Variants in ECE1 observed in about 807,000 individuals in gnomAD.
ECE1 encodes the protein endothelin-converting enzyme 1.
ECE1 carries 35 observed loss-of-function variants against 98.6 expected under a neutral mutation model. The observed-to-expected ratio is 0.35, with a 90% CI of 0.27 to 0.47. The LOEUF is 0.47. ECE1 is among the 20% of genes least tolerant of loss of function. ECE1 has a pLI of 1.00. For missense variants in ECE1, 814 were observed against 1,025.3 expected, an observed-to-expected ratio of 0.79 and a Z score of 2.81; for synonymous variants, 394 against 407.1, an observed-to-expected ratio of 0.97 and a Z score of 0.39.
chr1:21,263,359 T>TTA (rs1297860740), intron 4 of ECE1, among the ~76,000 whole-genome samples: 2 of 113,716 alleles, frequency 1.8e-5, no homozygotes, highest in African/African-American at 6.7e-5. Context: ...TTTTTTATAT[T>TTA]TATTTTTTTT....
At position 21,272,978 on chromosome 1, in the gene ECE1, G is replaced by A; in HGVS notation, c.281-67C>T. ...GGAAGAAGCAGGGAGGGCAGAGAAG[G>A]GGGCTTGGGGCCCAGGGGCCACATG... On this transcript the variant is annotated intron_variant, in intron 3 of 18. Coordinates refer to ENST00000374893, the MANE Select transcript of ECE1 (RefSeq NM_001397.3). 1.9e-6 allele frequency: 3 copies of A among 1,576,886 alleles called. No individual in the cohort carries two copies. In the South Asian group the frequency reaches 3.3e-5, roughly 18 times the overall value.
chr1:21,256,610 G>C (rs921574531), intron 7 of ECE1: 1 of 152,328 alleles, frequency 6.6e-6, no homozygotes, highest in Non-Finnish European at 1.5e-5. Flanking sequence ...GAATGATCTC[G>C]GGGCCGTGTC....
chr1:21,313,881 A>T (rs751018045), intron 1 of ECE1, among the ~76,000 whole-genome samples: 13 of 151,890 alleles, frequency 8.6e-5, no homozygotes, highest in Non-Finnish European at 1.8e-4. Context: ...TGGCACAGGA[A>T]TGTCCCGGCT....
intron 1 of ECE1, among the ~76,000 whole-genome samples, chr1:21,320,892 T>C (rs1638949164): frequency 6.6e-6 from 1 of 152,206 alleles, no homozygotes; most frequent in Non-Finnish European, 1.5e-5. Flanking sequence ...AGGTGGTGCC[T>C]TGAGGAGCTG....
chr1:21,289,411 G>C (rs1338929112), intron 2 of ECE1, among the ~76,000 whole-genome samples: 1 of 152,152 alleles, frequency 6.6e-6, no homozygotes, highest in Non-Finnish European at 1.5e-5. Flanking sequence ...CCTGTTACAA[G>C]GCAGGGACGG....
intron 14 of ECE1, among the ~76,000 whole-genome samples, chr1:21,231,795 G>A (rs1199593601): frequency 6.6e-6 from 1 of 152,172 alleles, no homozygotes; most frequent in Non-Finnish European, 1.5e-5. Context: ...TAAATTTTTT[G>A]TAGAGATGGG....
upstream of ECE1, among the ~76,000 whole-genome samples, chr1:21,291,917 G>A (rs985298476): frequency 2.6e-5 from 4 of 151,568 alleles, no homozygotes; most frequent in African/African-American, 9.7e-5. Flanking sequence ...GATCACTTGA[G>A]TCTAATTCTA....
intron 11 of ECE1, among the ~76,000 whole-genome samples, chr1:21,237,850 G>A (rs1023719602): frequency 2.6e-5 from 4 of 152,240 alleles, no homozygotes; most frequent in African/African-American, 4.8e-5. Flanking sequence ...TCTCTGGGTC[G>A]TTCACAGCCC....
chr1:21,316,735 G>C lies in ECE1; in HGVS notation c.4-26579C>G, dbSNP rs541678016. Among the ~76,000 whole-genome samples, 207 of 152,320 alleles carry C rather than the reference G, an allele frequency of 1.4e-3. 1 individual carries two copies. Among genetic ancestry groups the C allele is most frequent in the African/African-American group, 4.9e-3 (202 of 41,576 alleles). Reference sequence around the variant, plus strand: ...AGGAGCCTGGATAAACCACAGGAGAGCCACATCATGGGATGGAATACTACA... The same window carrying C: ...AGGAGCCTGGATAAACCACAGGAGACCCACATCATGGGATGGAATACTACA... On this transcript the variant is annotated intron_variant, in intron 1 of 18. Coordinates refer to the ECE1 transcript ENST00000415912.
upstream of ECE1, among the ~76,000 whole-genome samples, chr1:21,291,064 G>C (rs569643214): frequency 8.3e-4 from 127 of 152,262 alleles, no homozygotes; most frequent in African/African-American, 2.9e-3. Flanking sequence ...TGCTCCAGGG[G>C]GAGTCAGAAG....
intron 2 of ECE1, among the ~76,000 whole-genome samples, chr1:21,284,407 G>C (rs113366753): frequency 1.3e-5 from 2 of 152,306 alleles, no homozygotes; most frequent in African/African-American, 4.8e-5. Flanking sequence ...TCAGCTCGCT[G>C]GTGGGCTTAA....
At chr1:21,238,053 G>A in intron 11 of ECE1, 81 bp downstream of exon 11, 4 of 1,308,296 alleles carry the variant, frequency 3.1e-6, no homozygotes, top group Non-Finnish European at 4.4e-6. Flanking sequence ...GCCCAGGGTG[G>A]GCTGGAGTGT....
intron 1 of ECE1, among the ~76,000 whole-genome samples, chr1:21,317,128 T>A (rs1438400435): frequency 1.3e-5 from 2 of 152,182 alleles, no homozygotes; most frequent in Admixed American, 6.5e-5. Flanking sequence ...AACACTTACA[T>A]ACCAGTGTTT....
intron 1 of ECE1, among the ~76,000 whole-genome samples, chr1:21,306,333 GTT>G (rs763952464): frequency 7.1e-6 from 1 of 140,748 alleles, no homozygotes. Context: ...GTGTTTTTTT[GTT>G]TTTTTTTTTT....
chr1:21,226,014 G>A (rs1161758572), intron 16 of ECE1, among the ~76,000 whole-genome samples: 10 of 152,090 alleles, frequency 6.6e-5, no homozygotes, highest in Non-Finnish European at 1.5e-5. Context: ...CACTGGCTAA[G>A]GGCCCCTGAC....
chr1:21,254,007 T>C (rs1485584362), intron 8 of ECE1, among the ~76,000 whole-genome samples: 5 of 143,742 alleles, frequency 3.5e-5, no homozygotes, highest in Non-Finnish European at 7.5e-5. Context: ...AGGCAGAGGT[T>C]GCAGTAAGCT....
chr1:21,221,943 G>T, intron 17 of ECE1, 101 bp from the exon 18 acceptor site: 1 of 1,058,726 alleles, frequency 9.4e-7, no homozygotes, highest in Non-Finnish European at 1.5e-6. Flanking sequence ...TTGGGGCAAG[G>T]ACTAGTTTCT....
chr1:21,290,329 T>G lies in ECE1; in HGVS notation c.51+35A>C. ...CGCGCGGGGAGGGGTCCCGCCCGCC[T>G]CCCGCCCCCGCCCTCCAGGCCGCGC... On this transcript the variant is annotated intron_variant, in intron 1 of 18. Coordinates refer to ENST00000374893, the MANE Select transcript of ECE1 (RefSeq NM_001397.3). This position sits in a 1 kb window ranked among gnomAD's most constrained non-coding sequence, Gnocchi z 7.3. 2 of 1,061,212 alleles carry G rather than the reference T, an allele frequency of 1.9e-6. No homozygotes were observed. The allele number at this position is 1,061,212 out of a possible 1,614,324, so 65.7% of individuals were successfully genotyped here. A position where few individuals can be genotyped will look rare whatever the true frequency, so the allele number is the denominator to read the frequency against.
chr1:21,336,576 C>A (rs1381913753), intron 1 of ECE1, among the ~76,000 whole-genome samples: 1 of 152,128 alleles, frequency 6.6e-6, no homozygotes, highest in Non-Finnish European at 1.5e-5. Flanking sequence ...CGCGGTGGCT[C>A]ACACCTGTAG....
Sources: gnomAD v4.1 joint callset for allele counts (sites outside exome capture counted in the v4.1 genomes callset) on GRCh38, gnomAD v4.1.1 for gene constraint, Gnocchi (gnomAD v3.1) non-coding constraint, MANE v1.5 for transcripts, NCBI Gene and HGNC (gene_info 2026-07-23, HGNC 2026-07-21) for gene names.